The following COL4A4 variants were observed in gnomAD, a reference collection of about 807,000 sequenced individuals.
The protein encoded by COL4A4 is collagen alpha-4(IV) chain.
A neutral mutation model predicts 192.9 loss-of-function variants in COL4A4; 105 were observed. The ratio of observed to expected loss-of-function variants is 0.54; its 90% CI spans 0.46 to 0.64. COL4A4 has a LOEUF of 0.64. Among genes scored for constraint, COL4A4 ranks in the 30% least tolerant of loss-of-function variants. COL4A4 has a pLI of 0.00. For synonymous variants in COL4A4, 762 were observed against 769.9 expected, an observed-to-expected ratio of 0.99 and a Z score of 0.17; for missense variants, 1,967 against 2,169.3, an observed-to-expected ratio of 0.91 and a Z score of 1.85.
At chr2:227,126,771 C>T (rs1390445274) in intron 4 of COL4A4, among the ~76,000 whole-genome samples, 1 of 152,194 alleles carries the variant, frequency 6.6e-6, no homozygotes, top group East Asian at 1.9e-4. Context: ...GTTAGTTCAC[C>T]TAATTTGAGT....
chr2:227,151,651 G>A (rs1346274738), intron 1 of COL4A4, among the ~76,000 whole-genome samples: 3 of 152,272 alleles, frequency 2.0e-5, no homozygotes, highest in African/African-American at 4.8e-5. Context: ...CCTCCAATTC[G>A]TAGGTTGCAA....
At chr2:227,018,700 A>G (rs1965420004) in intron 44 of COL4A4, among the ~76,000 whole-genome samples, 1 of 152,166 alleles carries the variant, frequency 6.6e-6, no homozygotes, top group African/African-American at 2.4e-5. Flanking sequence ...TGTAGGTGTT[A>G]GAGAGGTGGC....
At position 227,007,918 on chromosome 2, in the gene COL4A4, G is replaced by T. The variant is rs533754066; in HGVS notation, c.4809+100C>A. On this transcript the variant is annotated intron_variant, in intron 47 of 47. Coordinates refer to ENST00000396625, the MANE Select transcript of COL4A4 (RefSeq NM_000092.5). ...GTCCCCGTAACCTTATGTCCTAAGC[G>T]CAGAGTGCTCAGAATTACTGTCCAA... 12 of 1,434,312 alleles carry T rather than the reference G, an allele frequency of 8.4e-6. 1 individual carries two copies. The highest frequency in any genetic ancestry group is 8.3e-5 in the South Asian group (7 of 84,310). The allele number at this position is 1,434,312 out of a possible 1,614,324, so 88.8% of individuals were successfully genotyped here. A position where few individuals can be genotyped will look rare whatever the true frequency, so the allele number is the denominator to read the frequency against.
intron 16 of COL4A4, 101 bp from the exon 17 acceptor site, chr2:227,101,658 T>C: frequency 1.6e-6 from 2 of 1,238,486 alleles, no homozygotes; most frequent in Non-Finnish European, 2.3e-6. Flanking sequence ...ACTGAGACCA[T>C]GCAAAGTCTT....
intron 4 of COL4A4, among the ~76,000 whole-genome samples, chr2:227,124,616 A>G (rs1355023401): frequency 6.6e-6 from 1 of 152,236 alleles, no homozygotes; most frequent in Non-Finnish European, 1.5e-5. Context: ...TATTATGAAA[A>G]AGACAACAAT....
At chr2:227,065,436 A>C (rs1207974084) in intron 25 of COL4A4, among the ~76,000 whole-genome samples, 1 of 152,228 alleles carries the variant, frequency 6.6e-6, no homozygotes, top group Non-Finnish European at 1.5e-5. Flanking sequence ...GGGCACAGAC[A>C]AACAAAAAGA....
At chr2:227,119,848 T>C (rs373686751) in intron 6 of COL4A4, 47 bp downstream of exon 6, 39 of 1,392,990 alleles carry the variant, frequency 2.8e-5, no homozygotes, top group Non-Finnish European at 3.9e-5. Context: ...TTTTGATGAG[T>C]ACTTCTGCCT....
At chr2:226,982,761 C>A in the COL4A4 span, among the ~76,000 whole-genome samples, 1 of 152,148 alleles carries the variant, frequency 6.6e-6, no homozygotes, top group Non-Finnish European at 1.5e-5. Context: ...CTTGTTCTTT[C>A]ATTCATTCCT....
At chr2:227,164,356 GC>G, upstream of COL4A4, 2 of 363,478 alleles carry the variant, frequency 5.5e-6, no homozygotes, top group Non-Finnish European at 5.1e-6. The surrounding 1 kb of genome is among the most constrained non-coding windows in gnomAD (Gnocchi z 4.8). Flanking sequence ...CCCCGCCTGG[GC>G]CCCCGGACCT....
chr2:227,072,274 C>CTTTATTTCCTAG (rs1003313810), intron 25 of COL4A4, among the ~76,000 whole-genome samples: 48 of 151,848 alleles, frequency 3.2e-4, no homozygotes, highest in Non-Finnish European at 1.2e-4. Context: ...CTATGGATAC[C>CTTTATTTCCTAG]TTTATGTACA....
intron 19 of COL4A4, among the ~76,000 whole-genome samples, chr2:227,097,172 G>C (rs2060247882): frequency 6.6e-6 from 1 of 150,998 alleles, no homozygotes; most frequent in Non-Finnish European, 1.5e-5. Context: ...CAAGAAGAAT[G>C]CTTAACCACC....
rs998642682 is a variant in COL4A4 at position 227,006,366 on chromosome 2, GTGCC to G, written c.*955_*958del. 1 of 152,632 alleles carries G rather than the reference GTGCC, an allele frequency of 6.6e-6. No homozygotes were observed. Among genetic ancestry groups the G allele is most frequent in the African/African-American group, 2.4e-5 (1 of 41,442 alleles). 9.5% of individuals were successfully genotyped at this position (152,632 alleles called of 1,614,324 possible). ...GAGTGAGATGCTTTGTATGAAGCGCGTGCCTGCCTGAGTGAGCCCCATGTAGCGT... is the reference window on the plus strand; with the variant it reads ...GAGTGAGATGCTTTGTATGAAGCGCGTGCCTGAGTGAGCCCCATGTAGCGT... On this transcript the variant is annotated 3_prime_UTR_variant, in exon 48 of 48. Transcript: ENST00000396625.
chr2:226,989,240 A>G, the COL4A4 span, among the ~76,000 whole-genome samples: 10 of 152,374 alleles, frequency 6.6e-5, no homozygotes, highest in African/African-American at 2.4e-4. Context: ...GAAACCACTT[A>G]TAACAATGTG....
intron 25 of COL4A4, among the ~76,000 whole-genome samples, chr2:227,066,688 GCC>G (rs1427784688): frequency 2.0e-5 from 3 of 148,482 alleles, no homozygotes; most frequent in African/African-American, 7.4e-5. Context: ...TCACCACCAG[GCC>G]TGCCCTAAAA....
chr2:227,100,107 T>C (rs2060423923), intron 17 of COL4A4, among the ~76,000 whole-genome samples: 1 of 152,220 alleles, frequency 6.6e-6, no homozygotes, highest in Non-Finnish European at 1.5e-5. Context: ...CTAAATTGTG[T>C]TCCTTTAATG....
At chr2:227,131,641 A>T (rs529959355) in intron 4 of COL4A4, among the ~76,000 whole-genome samples, 4 of 152,362 alleles carry the variant, frequency 2.6e-5, no homozygotes, top group Non-Finnish European at 5.9e-5. Context: ...ACAAAAAAAG[A>T]TACGACATGT....
intron 20 of COL4A4, 105 bp from the exon 21 acceptor site, chr2:227,090,062 C>T: frequency 1.3e-6 from 1 of 797,614 alleles, no homozygotes. Flanking sequence ...CACGTGCTTC[C>T]TTTCCCAACC....
rs1373666372 is a variant in COL4A4 at position 227,006,234 on chromosome 2, G to T, written c.*1091C>A. The T allele has an allele frequency of 2.0e-5, 3 of 152,594 alleles. No individual in the cohort carries two copies. The highest frequency in any genetic ancestry group is 4.4e-5 in the Non-Finnish European group (3 of 68,034). The allele number at this position is 152,594 out of a possible 1,614,324, so 9.5% of individuals were successfully genotyped here. A position where few individuals can be genotyped will look rare whatever the true frequency, so the allele number is the denominator to read the frequency against. ...AAATCGGCCCTTAATTTTCTCCCAA[G>T]TGCATAATGATAGCTCTGTCACGTC... On this transcript the variant is annotated 3_prime_UTR_variant, in exon 48 of 48. Transcript: ENST00000396625.
intron 7 of COL4A4, among the ~76,000 whole-genome samples, chr2:227,117,333 CT>C (rs1358813279): frequency 1.3e-5 from 2 of 152,270 alleles, no homozygotes; most frequent in South Asian, 2.1e-4. Flanking sequence ...GAGGTTTGGC[CT>C]GATTTGAGGA....
Sources: allele counts gnomAD v4.1 joint callset (sites outside exome capture counted in the v4.1 genomes callset), GRCh38; gene constraint gnomAD v4.1.1; non-coding constraint Gnocchi (gnomAD v3.1); transcripts MANE v1.5; gene names NCBI Gene and HGNC (gene_info 2026-07-23, HGNC 2026-07-21).